AS3MT: variants seen among roughly 807,000 people sequenced by gnomAD.
AS3MT encodes the protein S-adenosyl-L-methionine:arsenic(III) methyltransferase.
In AS3MT, 47 loss-of-function variants were observed where a neutral mutation model predicts 45.3. The ratio of observed to expected loss-of-function variants is 1.04; its 90% confidence interval spans 0.82 to 1.32. AS3MT has a LOEUF of 1.32. Ranked by LOEUF, AS3MT falls within the 40% of genes most tolerant of loss-of-function variation. The pLI is 0.00. For missense variants in AS3MT, 396 were observed against 451.1 expected, an observed-to-expected ratio of 0.88 and a Z score of 1.11; for synonymous variants, 141 against 152.8, an observed-to-expected ratio of 0.92 and a Z score of 0.57.
intron 10 of AS3MT, among the ~76,000 whole-genome samples, chr10:102,893,494 T>C (rs11191448): frequency 0.2 from 29,333 of 146,814 alleles, 2,983 homozygotes; most frequent in Non-Finnish European, 0.22. Context: ...AATTTTTTTT[T>C]CTTTTTTTTT....
At chr10:102,884,206 C>A (rs1014996455) in intron 9 of AS3MT, among the ~76,000 whole-genome samples, 1 of 152,010 alleles carries the variant, frequency 6.6e-6, no homozygotes, top group Non-Finnish European at 1.5e-5. Context: ...TCTTGAACTC[C>A]TGACCTCAGG....
In AS3MT at chr10:102,870,122, C is replaced by A. The variant is rs2134107360; in HGVS notation, c.81C>A (p.Leu27=). 2 of 1,614,150 alleles carry A rather than the reference C, an allele frequency of 1.2e-6. No homozygotes were observed. Among genetic ancestry groups the A allele is most frequent in the East Asian group, 4.5e-5 (2 of 44,874 alleles). Residue 27 remains leucine (L), a synonymous_variant, in exon 3 of 11, where the codon CTC becomes CTA. Transcript: ENST00000369880. ...YGQVLKRSAD[L]QTNGCVTTAR... Reference sequence around the variant, plus strand: ...AGGTGCTGAAGAGATCGGCAGACCTCCAGACCAACGGCTGTGTCACCACAG... The same window carrying A: ...AGGTGCTGAAGAGATCGGCAGACCTACAGACCAACGGCTGTGTCACCACAG...
rs1322002646 is a variant in AS3MT, at chr10:102,872,596, C to T, written c.319C>T (p.Gln107Ter). 6.3e-7 allele frequency: 1 copy of T among 1,592,056 alleles called. No individual in the cohort carries two copies. ...HVTGIDMTKG[Q>*]VEVAEKYLDY... ...GACTGGAATAGACATGACCAAAGGC[C>T]AGGTGAGGCATGATTTGGAAGACAA... Residue 107 changes from glutamine (Q) to a stop codon, truncating the protein, a stop_gained and splice_region_variant, in exon 4 of 11, where the codon CAG (glutamine) becomes TAG (stop). Coordinates refer to ENST00000369880, the MANE Select transcript of AS3MT (RefSeq NM_020682.4). LOFTEE classifies it high-confidence loss of function.
chr10:102,882,151 G>T (rs1018784547), intron 9 of AS3MT, among the ~76,000 whole-genome samples: 4 of 152,034 alleles, frequency 2.6e-5, no homozygotes, highest in Non-Finnish European at 5.9e-5. Flanking sequence ...GTGTTAGCCA[G>T]GATGGTCTCA....
rs1017698665 is a variant in AS3MT, at chr10:102,901,607, A to G, written c.*907A>G. On this transcript the variant is annotated 3_prime_UTR_variant, in exon 11 of 11. Coordinates refer to ENST00000369880, the MANE Select transcript of AS3MT (RefSeq NM_020682.4). The stretch of plus-strand genomic sequence containing the variant: ...TTCTGGTGCCACATAGTGGTCAGAA[A>G]TGGAACAGAGAAGCTGTCTTAAGCC... 11 of 152,192 alleles carry G rather than the reference A, an allele frequency of 7.2e-5. No homozygotes were observed. The highest frequency in any genetic ancestry group is 2.7e-4 in the African/African-American group (11 of 41,448). The allele number at this position is 152,192 out of a possible 1,614,324, so 9.4% of individuals were successfully genotyped here. A position where few individuals can be genotyped will look rare whatever the true frequency, so the allele number is the denominator to read the frequency against.
intron 10 of AS3MT, among the ~76,000 whole-genome samples, chr10:102,899,178 G>C (rs1412512740): frequency 3.3e-5 from 5 of 152,286 alleles, no homozygotes; most frequent in African/African-American, 1.2e-4. Flanking sequence ...TTTCAGTAGA[G>C]ACGGGGTTTC....
In AS3MT at chr10:102,869,532, GCCCT is replaced by G. The variant is rs1844636471; in HGVS notation, c.-60_-57del. On this transcript the variant is annotated 5_prime_UTR_variant, in exon 1 of 11. Coordinates refer to ENST00000369880, the MANE Select transcript of AS3MT (RefSeq NM_020682.4). ...CAGGCCGAGGAGACAGTGAGTGCGC[GCCCT>G]GAGTCGCAGGCCGAGGAGACAGTGA... 1 of 1,328,198 alleles carries G rather than the reference GCCCT, an allele frequency of 7.5e-7. No homozygotes were observed. Among genetic ancestry groups the G allele is most frequent in the African/African-American group, 1.7e-5 (1 of 58,582 alleles). 82.3% of individuals were successfully genotyped at this position (1,328,198 alleles called of 1,614,324 possible).
chr10:102,879,238 C>A (rs930251485), intron 9 of AS3MT, among the ~76,000 whole-genome samples: 7 of 152,144 alleles, frequency 4.6e-5, no homozygotes, highest in South Asian at 2.1e-4. Flanking sequence ...TAGTTCACTG[C>A]AGCCTGACCT....
chr10:102,880,001 C>T (rs1243220029), intron 9 of AS3MT, among the ~76,000 whole-genome samples: 1 of 151,954 alleles, frequency 6.6e-6, no homozygotes, highest in Non-Finnish European at 1.5e-5. Flanking sequence ...AATGTAATAT[C>T]CCTCTGCATA....
intron 9 of AS3MT, among the ~76,000 whole-genome samples, chr10:102,883,356 C>T (rs1844897532): frequency 1.3e-5 from 2 of 151,842 alleles, no homozygotes; most frequent in African/African-American, 2.4e-5. Flanking sequence ...CCACCTCGGC[C>T]TCCCAAAGTA....
intron 9 of AS3MT, among the ~76,000 whole-genome samples, chr10:102,889,567 C>G (rs1310506685): frequency 6.6e-6 from 1 of 151,750 alleles, no homozygotes; most frequent in African/African-American, 2.4e-5. Context: ...ATTTCCCTGA[C>G]ATACTGATTT....
At chr10:102,878,281 A>G in intron 7 of AS3MT, 98 bp from the exon 8 acceptor site, 2 of 1,484,502 alleles carry the variant, frequency 1.3e-6, no homozygotes, top group South Asian at 1.3e-5. Context: ...TGTTTTAACT[A>G]ATACCATGTC....
chr10:102,884,088 C>A (rs1300004074), intron 9 of AS3MT, among the ~76,000 whole-genome samples: 2 of 150,420 alleles, frequency 1.3e-5, no homozygotes, highest in Non-Finnish European at 3.0e-5. Flanking sequence ...AAGCGATTAT[C>A]CTGCCTCAGC....
At chr10:102,874,504 G>C in intron 5 of AS3MT, 88 bp from the exon 6 acceptor site, 1 of 950,080 alleles carries the variant, frequency 1.1e-6, no homozygotes, top group Non-Finnish European at 1.7e-6. Flanking sequence ...TTGACAGAAC[G>C]GTGGGAACCA....
At chr10:102,898,175 C>T (rs1845211473) in intron 10 of AS3MT, among the ~76,000 whole-genome samples, 1 of 151,520 alleles carries the variant, frequency 6.6e-6, no homozygotes, top group Non-Finnish European at 1.5e-5. Flanking sequence ...AGACAGTACA[C>T]GCAGCTGGCA....
At chr10:102,880,580 C>T (rs1844856673) in intron 9 of AS3MT, among the ~76,000 whole-genome samples, 1 of 152,074 alleles carries the variant, frequency 6.6e-6, no homozygotes, top group Non-Finnish European at 1.5e-5. Flanking sequence ...AAAACCAGAC[C>T]TCAAGTCAAC....
At chr10:102,882,981 A>G (rs951079031) in intron 9 of AS3MT, among the ~76,000 whole-genome samples, 15 of 152,158 alleles carry the variant, frequency 9.9e-5, no homozygotes, top group Admixed American at 4.6e-4. Flanking sequence ...TGCCTATTCC[A>G]GTAGATACAC....
At chr10:102,872,385 A>G in intron 3 of AS3MT, 63 bp from the exon 4 acceptor site, 1 of 1,552,634 alleles carries the variant, frequency 6.4e-7, no homozygotes, top group Admixed American at 1.8e-5. Context: ...AAGTATGTAT[A>G]AGATTTAGTG....
intron 10 of AS3MT, among the ~76,000 whole-genome samples, chr10:102,891,126 T>C (rs961265890): frequency 6.6e-6 from 1 of 152,226 alleles, no homozygotes; most frequent in Non-Finnish European, 1.5e-5. Context: ...TGAGCCCACT[T>C]GCCCAACTCC....
Sources: allele counts gnomAD v4.1 joint callset (sites outside exome capture counted in the v4.1 genomes callset), GRCh38; gene constraint gnomAD v4.1.1; transcripts MANE v1.5; gene names NCBI Gene and HGNC (gene_info 2026-07-23, HGNC 2026-07-21).